The following PDGFRL variants were observed in gnomAD, a reference collection of about 807,000 sequenced individuals.
The protein encoded by PDGFRL is platelet derived growth factor receptor like.
PDGFRL carries 46 observed loss-of-function variants against 37.2 expected under a neutral mutation model. That is an observed-to-expected ratio of 1.24 (90% confidence interval 0.98 to 1.58). The LOEUF (loss-of-function observed/expected upper bound fraction) is 1.58. PDGFRL is among the 40% of genes most tolerant of loss of function. PDGFRL has a pLI of 0.00. For synonymous variants in PDGFRL, 251 were observed against 184.3 expected, an observed-to-expected ratio of 1.36 and a Z score of -2.93; for missense variants, 692 against 467.6, an observed-to-expected ratio of 1.48 and a Z score of -4.43.
chr8:17,589,375 G>C lies in PDGFRL; in HGVS notation c.56-93G>C, dbSNP rs1252007645. 4.6e-6 allele frequency: 4 copies of C among 866,026 alleles called. No individual in the cohort carries two copies. The East Asian group carries it at 7.5e-5, about 16-fold the overall frequency. 53.6% of individuals were successfully genotyped at this position (866,026 alleles called of 1,614,324 possible). A position where few individuals can be genotyped will look rare whatever the true frequency, so the allele number is the denominator to read the frequency against. On this transcript the variant is annotated intron_variant, in intron 1 of 5. Coordinates refer to ENST00000251630, the MANE Select transcript of PDGFRL (RefSeq NM_001372073.1). ...CCCTCCAACCTGGGCAATAGAGTAA[G>C]AATCTGTCTCAAAAAAAAAAAAAAG... is the stretch of plus-strand genomic sequence containing the variant.
At chr8:17,629,765 C>A (rs1390539274) in intron 4 of PDGFRL, among the ~76,000 whole-genome samples, 1 of 152,164 alleles carries the variant, frequency 6.6e-6, no homozygotes, top group Non-Finnish European at 1.5e-5. Context: ...ACATGTCAAC[C>A]ACAACCACTG....
intron 5 of PDGFRL, among the ~76,000 whole-genome samples, chr8:17,636,514 C>A (rs1418903783): frequency 6.6e-6 from 1 of 151,278 alleles, no homozygotes; most frequent in Non-Finnish European, 1.5e-5. Flanking sequence ...GTGACTATGG[C>A]CTTATAGTAT....
chr8:17,577,293 A>C lies in PDGFRL; in HGVS notation c.41A>C (p.Glu14Ala), dbSNP rs1306778198. ...CTGCTTGGTCTTCTGCTGGTGCACG[A>C]AGCGCTGGAGGATGGTGAGTGACTC... ...WLLLGLLLVHEALEDVTGQHL... is the reference protein window; with the variant it reads ...WLLLGLLLVHAALEDVTGQHL... Residue 14 changes from glutamate to alanine, a missense_variant, in exon 1 of 6, where the codon GAA (glutamate) becomes GCA (alanine). Transcript: ENST00000251630. 1.9e-6 allele frequency: 3 copies of C among 1,612,662 alleles called. No homozygotes were observed. The East Asian group carries it at 6.7e-5, about 36-fold the overall frequency.
chr8:17,633,240 G>A (rs1804898701), intron 4 of PDGFRL, among the ~76,000 whole-genome samples: 1 of 152,146 alleles, frequency 6.6e-6, no homozygotes, highest in Non-Finnish European at 1.5e-5. Flanking sequence ...ATCAGCTTGG[G>A]CAACATAGAC....
At chr8:17,593,467 G>A (rs576889342) in intron 2 of PDGFRL, among the ~76,000 whole-genome samples, 2 of 150,894 alleles carry the variant, frequency 1.3e-5, no homozygotes, top group South Asian at 2.1e-4. Context: ...GCTTTGTAGT[G>A]CATTCCTGTA....
chr8:17,592,398 C>T (rs573893341), intron 2 of PDGFRL, among the ~76,000 whole-genome samples: 1 of 152,212 alleles, frequency 6.6e-6, no homozygotes, highest in Non-Finnish European at 1.5e-5. Context: ...GCTAGGGCTT[C>T]TCACTGCCGC....
chr8:17,632,774 C>A (rs1405505811), intron 4 of PDGFRL, among the ~76,000 whole-genome samples: 1 of 152,126 alleles, frequency 6.6e-6, no homozygotes, highest in Non-Finnish European at 1.5e-5. Context: ...TCCCTCCCCT[C>A]CTCTCCCCAG....
chr8:17,578,283 G>T (rs1025449032), intron 1 of PDGFRL, among the ~76,000 whole-genome samples: 2 of 152,192 alleles, frequency 1.3e-5, no homozygotes, highest in Non-Finnish European at 2.9e-5. Context: ...GCTGGAGCCA[G>T]CTCGACCTGG....
chr8:17,642,664 C>T lies in PDGFRL; in HGVS notation c.991C>T (p.Leu331=). 6.2e-7 allele frequency: 1 copy of T among 1,608,602 alleles called. No homozygotes were observed. The highest frequency in any genetic ancestry group is 8.5e-7 in the Non-Finnish European group (1 of 1,174,900). ...CACTTGGAGGTTGATCCACAGAGGA[C>T]TGGGACACACCACGAGAATCTCCCA... ...QDTWRLIHRG[L]GHTTRISQSV... Residue 331 remains leucine, a synonymous_variant, in exon 6 of 6, where the codon CTG becomes TTG. Transcript: ENST00000251630.
At chr8:17,606,088 G>A (rs1804270063) in intron 2 of PDGFRL, among the ~76,000 whole-genome samples, 1 of 152,162 alleles carries the variant, frequency 6.6e-6, no homozygotes, top group African/African-American at 2.4e-5. Context: ...ATCTTAAGTG[G>A]TTATCAACAG....
In PDGFRL at chr8:17,577,247, C is replaced by T. The variant is rs1312009660; in HGVS notation, c.-6C>T. On this transcript the variant is annotated 5_prime_UTR_variant, in exon 1 of 6. Coordinates refer to ENST00000251630, the MANE Select transcript of PDGFRL (RefSeq NM_001372073.1). ...CTCCTGCGCTCCGAGGTCCGAGGTT[C>T]CCGAGATGAAGGTCTGGCTGCTGCT... 1.2e-6 allele frequency: 2 copies of T among 1,612,234 alleles called. No individual in the cohort carries two copies. Among genetic ancestry groups the T allele is most frequent in the Non-Finnish European group, 1.7e-6 (2 of 1,179,370 alleles).
chr8:17,585,326 C>G (rs934361996), intron 1 of PDGFRL, among the ~76,000 whole-genome samples: 1 of 152,068 alleles, frequency 6.6e-6, no homozygotes, highest in African/African-American at 2.4e-5. Flanking sequence ...CCCAGTGGTT[C>G]TCAGCCTTAT....
At chr8:17,603,132 G>A (rs1431996741) in intron 2 of PDGFRL, among the ~76,000 whole-genome samples, 11 of 152,204 alleles carry the variant, frequency 7.2e-5, no homozygotes, top group East Asian at 1.9e-4. Flanking sequence ...ACAGGCGTGC[G>A]CCACCAAGCT....
intron 4 of PDGFRL, among the ~76,000 whole-genome samples, chr8:17,632,646 A>C (rs1804886875): frequency 6.6e-6 from 1 of 152,170 alleles, no homozygotes; most frequent in African/African-American, 2.4e-5. Flanking sequence ...CCCTGATTTT[A>C]ATTAAACCAA....
chr8:17,577,282 G>C lies in PDGFRL; in HGVS notation c.30G>C (p.Leu10=), dbSNP rs770116182. The C allele has an allele frequency of 6.2e-7, 1 of 1,613,042 alleles. No homozygotes were observed. The highest frequency in any genetic ancestry group is 8.5e-7 in the Non-Finnish European group (1 of 1,179,646). Residue 10 remains leucine, a synonymous_variant, in exon 1 of 6, where the codon CTG becomes CTC. Transcript: ENST00000251630. ...AGGTCTGGCTGCTGCTTGGTCTTCT[G>C]CTGGTGCACGAAGCGCTGGAGGATG... MKVWLLLGL[L]LVHEALEDVT... is the part of the protein sequence containing the mutation.
chr8:17,592,912 ACATG>A (rs1339932258), intron 2 of PDGFRL, among the ~76,000 whole-genome samples: 2 of 4,782 alleles, frequency 4.2e-4, no homozygotes, highest in Admixed American at 0.011. Context: ...AAACCCACAT[ACATG>A]CACACACACA....
At chr8:17,614,047 T>C (rs754737467) in intron 2 of PDGFRL, among the ~76,000 whole-genome samples, 8 of 152,042 alleles carry the variant, frequency 5.3e-5, no homozygotes, top group Non-Finnish European at 1.2e-4. Flanking sequence ...AGATAGATGA[T>C]AGATAGATAG....
chr8:17,590,515 T>A (rs146706528), intron 2 of PDGFRL, among the ~76,000 whole-genome samples: 1 of 151,882 alleles, frequency 6.6e-6, no homozygotes, highest in Non-Finnish European at 1.5e-5. Flanking sequence ...AGTTGGAGAT[T>A]AGCCTGGCCA....
At chr8:17,597,586 G>A (rs2246379) in intron 2 of PDGFRL, among the ~76,000 whole-genome samples, 22,073 of 151,976 alleles carry the variant, frequency 0.15, 4,297 homozygotes, top group African/African-American at 0.43. Flanking sequence ...TGTCACAGTT[G>A]CTTACTAAAT....
Sources: gnomAD v4.1 joint callset for allele counts (sites outside exome capture counted in the v4.1 genomes callset) on GRCh38, gnomAD v4.1.1 for gene constraint, MANE v1.5 for transcripts, NCBI Gene and HGNC (gene_info 2026-07-23, HGNC 2026-07-21) for gene names.